The following CHST15 variants were observed in gnomAD, a reference collection of about 807,000 sequenced individuals.
The protein encoded by CHST15 is B cell RAG associated protein (GALNAC4S-6ST).
CHST15 carries 30 observed loss-of-function variants against 53.6 expected under a neutral mutation model. The ratio of observed to expected loss-of-function variants is 0.56; its 90% CI spans 0.42 to 0.76. The LOEUF (loss-of-function observed/expected upper bound fraction) is 0.76, where lower values mean the gene tolerates loss of function less well. CHST15 is among the 30% of genes least tolerant of loss of function. The pLI, the probability that CHST15 is intolerant of heterozygous loss-of-function variation, is 0.00. For missense variants in CHST15, 627 were observed against 740.5 expected (o/e 0.85, Z 1.78); for synonymous variants, 296 against 289.8 (o/e 1.02, Z -0.22).
intron 5 of CHST15, among the ~76,000 whole-genome samples, chr10:124,028,058 A>G (rs914130405): frequency 5.3e-5 from 8 of 152,254 alleles, no homozygotes; most frequent in African/African-American, 1.9e-4. Context: ...CAGGAGACTG[A>G]TAAACAATTA....
In CHST15 at chr10:124,038,652, C is replaced by T. The variant is rs1288401738; in HGVS notation, c.1053G>A (p.Thr351=). 5.0e-6 allele frequency: 8 copies of T among 1,614,116 alleles called. No homozygotes were observed. Among genetic ancestry groups the T allele is most frequent in the Non-Finnish European group, 6.8e-6 (8 of 1,180,028 alleles). Reference sequence around the variant, plus strand: ...ACGTCCAGGCATTATTATCCCACATCGTGGAGGCACTGGCCTCCCCTGGAA... The same window carrying T: ...ACGTCCAGGCATTATTATCCCACATTGTGGAGGCACTGGCCTCCCCTGGAA... The part of the protein sequence containing the change: ...TIIIGEASAS[T]MWDNNAWTFF... Residue 351 remains threonine (T), a synonymous_variant, in exon 5 of 8, where the codon ACG becomes ACA. Transcript: ENST00000435907.
chr10:124,011,216 G>A (rs543259096), intron 7 of CHST15, among the ~76,000 whole-genome samples: 3 of 151,778 alleles, frequency 2.0e-5, no homozygotes, highest in African/African-American at 7.3e-5. Flanking sequence ...TTTACCGGGG[G>A]CTCTTGGGAT....
intron 1 of CHST15, among the ~76,000 whole-genome samples, chr10:124,080,856 C>G (rs1040512170): frequency 6.6e-6 from 1 of 152,242 alleles, no homozygotes; most frequent in African/African-American, 2.4e-5. Context: ...ATCTGTCTGT[C>G]CATCGGCCCA....
In CHST15 at chr10:124,064,558, G is replaced by A. The variant is rs984494681; in HGVS notation, c.-512-17834C>T. Among the ~76,000 whole-genome samples, 7 of 152,014 alleles carry A rather than the reference G, an allele frequency of 4.6e-5. 1 individual carries two copies. The highest frequency in any genetic ancestry group is 1.2e-4 in the African/African-American group (5 of 41,394). On this transcript the variant is annotated intron_variant, in intron 1 of 7. Coordinates refer to ENST00000435907, the MANE Select transcript of CHST15 (RefSeq NM_001270764.2). ...ATCATGAAACAACCATACCCACTCTGTGACTTTGGGCAGGTCCCCCAAGCC... is the reference window on the plus strand; with the variant it reads ...ATCATGAAACAACCATACCCACTCTATGACTTTGGGCAGGTCCCCCAAGCC...
At chr10:124,054,719 G>A (rs1378684507) in intron 1 of CHST15, among the ~76,000 whole-genome samples, 3 of 152,194 alleles carry the variant, frequency 2.0e-5, no homozygotes, top group African/African-American at 7.2e-5. Flanking sequence ...TTCCTCATCT[G>A]TAAAATGGGA....
chr10:124,056,900 C>T (rs753020340), intron 1 of CHST15, among the ~76,000 whole-genome samples: 32 of 151,780 alleles, frequency 2.1e-4, no homozygotes, highest in Non-Finnish European at 3.8e-4. Flanking sequence ...CCTGTACGAC[C>T]GGACACATTG....
At chr10:124,050,774 CTGTGGGGAGT>C in intron 1 of CHST15, among the ~76,000 whole-genome samples, 1 of 152,232 alleles carries the variant, frequency 6.6e-6, no homozygotes, top group South Asian at 2.1e-4. Context: ...TAGAGAGACG[CTGTGGGGAGT>C]CCCAGCCCAT....
At chr10:124,081,777 G>A (rs891735916) in intron 1 of CHST15, among the ~76,000 whole-genome samples, 4 of 152,056 alleles carry the variant, frequency 2.6e-5, no homozygotes, top group Non-Finnish European at 4.4e-5. Context: ...CAAGAAACCT[G>A]GCCCAGGGAG....
Position 124,021,293 on chromosome 10 carries a change from G to A in CHST15, c.1310C>T (p.Ala437Val), listed in dbSNP as rs755974129. Reference sequence around the variant, plus strand: ...GTTGAGGGTGTTGTTGTAGACGCAGGCGCGCAGTGAATAATCAAGCATGCA... The same window carrying A: ...GTTGAGGGTGTTGTTGTAGACGCAGACGCGCAGTGAATAATCAAGCATGCA... Reference protein sequence around the residue: ...ENCMLDYSLRACVYNNTLNNA... With the variant: ...ENCMLDYSLRVCVYNNTLNNA... The change falls in exon 6 of 8, where the codon GCC (alanine) becomes GTC (valine). Residue 437 changes from alanine to valine, a missense_variant. Around this residue, in one of 3 missense-constraint regions of CHST15, gnomAD observed 279 missense variants for 371.6 expected, o/e 0.75. Transcript: ENST00000435907. 6.2e-6 allele frequency: 10 copies of A among 1,613,322 alleles called. No individual in the cohort carries two copies. In the Admixed American group the frequency reaches 6.7e-5, roughly 11 times the overall value.
intron 1 of CHST15, among the ~76,000 whole-genome samples, chr10:124,078,864 A>AT (rs1239115045): frequency 6.6e-6 from 1 of 152,240 alleles, no homozygotes; most frequent in Admixed American, 6.5e-5. Flanking sequence ...GTTGCATAAG[A>AT]TGTTCTCCCT....
rs547668554 is a variant in CHST15, at chr10:124,063,689, G to A, written c.-512-16965C>T. 2.0e-3 allele frequency among the ~76,000 whole-genome samples: 304 copies of A among 152,172 alleles called. 3 individuals carry two copies. Among genetic ancestry groups the A allele is most frequent in the African/African-American group, 7.2e-3 (300 of 41,538 alleles). On this transcript the variant is annotated intron_variant, in intron 1 of 7. Coordinates refer to ENST00000435907, the MANE Select transcript of CHST15 (RefSeq NM_001270764.2). ...AGTTTCAGTATTCAGAGCTGGAAAA[G>A]TGAACATTCAATAAATATTATAACA...
At chr10:124,026,665 GGGC>G (rs1350785705) in intron 5 of CHST15, among the ~76,000 whole-genome samples, 2 of 152,168 alleles carry the variant, frequency 1.3e-5, no homozygotes, top group Non-Finnish European at 2.9e-5. Flanking sequence ...GCATTAACAG[GGGC>G]ACGGCATGAG....
chr10:124,089,191 C>T (rs1265113112), intron 1 of CHST15, among the ~76,000 whole-genome samples: 1 of 152,172 alleles, frequency 6.6e-6, no homozygotes, highest in Admixed American at 6.5e-5. Flanking sequence ...AGGGAGGCTG[C>T]GTGATTCTCA....
At chr10:124,027,905 G>A (rs1947074119) in intron 5 of CHST15, among the ~76,000 whole-genome samples, 1 of 152,212 alleles carries the variant, frequency 6.6e-6, no homozygotes, top group Non-Finnish European at 1.5e-5. Flanking sequence ...GCAAGGAGAC[G>A]AATCCACGGC....
intron 5 of CHST15, among the ~76,000 whole-genome samples, chr10:124,032,352 A>T (rs1462027395): frequency 6.6e-6 from 1 of 152,138 alleles, no homozygotes; most frequent in East Asian, 1.9e-4. Flanking sequence ...CTACACACAG[A>T]ATCAAACCCC....
At chr10:124,051,891 C>T (rs1464779508) in intron 1 of CHST15, among the ~76,000 whole-genome samples, 1 of 152,008 alleles carries the variant, frequency 6.6e-6, no homozygotes, top group Non-Finnish European at 1.5e-5. Context: ...TCCAATTTCA[C>T]CCTAGGAAAA....
chr10:124,046,962 C>T (rs945174748), intron 1 of CHST15, among the ~76,000 whole-genome samples: 1 of 152,198 alleles, frequency 6.6e-6, no homozygotes, highest in Non-Finnish European at 1.5e-5. Context: ...CCAGCACCAC[C>T]AGCGCCACAT....
intron 5 of CHST15, among the ~76,000 whole-genome samples, chr10:124,037,884 C>T (rs1373950448): frequency 1.3e-5 from 2 of 152,116 alleles, no homozygotes. Flanking sequence ...AAGCTTACAC[C>T]CCTGATTCTA....
intron 1 of CHST15, among the ~76,000 whole-genome samples, chr10:124,070,934 A>T (rs774521128): frequency 6.6e-6 from 1 of 152,188 alleles, no homozygotes; most frequent in Admixed American, 6.5e-5. Context: ...GGCACTGTCT[A>T]TGGGGTCTCT....
Sources: gnomAD v4.1 joint callset for allele counts (sites outside exome capture counted in the v4.1 genomes callset) on GRCh38, gnomAD v4.1.1 for gene constraint, gnomAD v4.1.1 regional missense constraint, MANE v1.5 for transcripts, NCBI Gene and HGNC (gene_info 2026-07-23, HGNC 2026-07-21) for gene names.